HYCC1: variants seen among roughly 807,000 people sequenced by gnomAD.
HYCC1 encodes hyccin PI4KA lipid kinase complex subunit 1.
chr7:22,939,924 T>A, the HYCC1 span: 204 of 152,232 alleles, frequency 1.3e-3, no homozygotes, highest in African/African-American at 4.6e-3. Context: ...GCAAAGAAAA[T>A]AATAACTACA....
At chr7:22,932,296 A>G in the HYCC1 span, among the ~76,000 whole-genome samples, 1 of 152,102 alleles carries the variant, frequency 6.6e-6, no homozygotes, top group Non-Finnish European at 1.5e-5. Flanking sequence ...GATGGGGTAA[A>G]ATGAAAGAAG....
chr7:22,909,181 G>T, the HYCC1 span, among the ~76,000 whole-genome samples: 1 of 152,176 alleles, frequency 6.6e-6, no homozygotes, highest in Non-Finnish European at 1.5e-5. Context: ...GAAAGTGATT[G>T]GATCACAGGG....
At chr7:22,996,597 TAAAAAAAAAAAAA>T in the HYCC1 span, among the ~76,000 whole-genome samples, 1 of 106,554 alleles carries the variant, frequency 9.4e-6, no homozygotes, top group Non-Finnish European at 1.8e-5. Context: ...GTACAATTGT[TAAAAAAAAAAAAA>T]AAAAAAAAAA....
the HYCC1 span, among the ~76,000 whole-genome samples, chr7:22,977,974 T>G: frequency 2.6e-5 from 4 of 152,202 alleles, no homozygotes; most frequent in African/African-American, 9.6e-5. Context: ...TTATAGACAA[T>G]GGACTTTAAG....
At chr7:22,976,223 G>A in the HYCC1 span, 2 of 1,609,184 alleles carry the variant, frequency 1.2e-6, no homozygotes, top group Non-Finnish European at 1.7e-6. Flanking sequence ...GAACAAATTT[G>A]ACACAGTGAC....
At chr7:22,964,536 A>G in the HYCC1 span, 1 of 1,499,258 alleles carries the variant, frequency 6.7e-7, no homozygotes. Flanking sequence ...CAGATTCTAG[A>G]AAAACCAAAA....
the HYCC1 span, among the ~76,000 whole-genome samples, chr7:22,922,198 T>C: frequency 1.3e-5 from 2 of 151,264 alleles, no homozygotes; most frequent in South Asian, 2.1e-4. Flanking sequence ...TAATATTTAT[T>C]ACTAATAAAC....
At chr7:22,903,432 TG>T in the HYCC1 span, among the ~76,000 whole-genome samples, 1 of 152,176 alleles carries the variant, frequency 6.6e-6, no homozygotes, top group South Asian at 2.1e-4. Context: ...GAGAATATTA[TG>T]AAAAACCTTA....
chr7:23,009,742 C>A, the HYCC1 span, among the ~76,000 whole-genome samples: 1 of 152,126 alleles, frequency 6.6e-6, no homozygotes, highest in Non-Finnish European at 1.5e-5. Flanking sequence ...AGTCACAACT[C>A]TTCTCTGTCT....
chr7:22,996,307 A>G, the HYCC1 span, among the ~76,000 whole-genome samples: 2 of 151,854 alleles, frequency 1.3e-5, no homozygotes, highest in African/African-American at 4.8e-5. Context: ...AAAAAAAAAA[A>G]AGAAGCAAAA....
At chr7:22,955,049 A>G in the HYCC1 span, among the ~76,000 whole-genome samples, 1 of 151,590 alleles carries the variant, frequency 6.6e-6, no homozygotes, top group Non-Finnish European at 1.5e-5. Flanking sequence ...TAATAGTGAT[A>G]TACACGTTAG....
chr7:23,002,162 A>ATACACAAT, the HYCC1 span, among the ~76,000 whole-genome samples: 587 of 35,482 alleles, frequency 0.017, 15 homozygotes, highest in African/African-American at 0.071. Context: ...ATATATATAT[A>ATACACAAT]TATATATATA....
chr7:22,923,699 T>C, the HYCC1 span, among the ~76,000 whole-genome samples: 3 of 151,876 alleles, frequency 2.0e-5, no homozygotes, highest in Middle Eastern at 3.2e-3. Flanking sequence ...AAATTAGAAG[T>C]AAAATAGGGG....
At chr7:22,961,337 G>A in the HYCC1 span, 3 of 1,317,356 alleles carry the variant, frequency 2.3e-6, no homozygotes, top group Admixed American at 3.4e-5. Context: ...AAAATTAGAT[G>A]AATTAAATGA....
chr7:22,951,531 T>C, the HYCC1 span, among the ~76,000 whole-genome samples: 1 of 151,772 alleles, frequency 6.6e-6, no homozygotes. Flanking sequence ...GTCATACACA[T>C]TCTTTTACAA....
the HYCC1 span, among the ~76,000 whole-genome samples, chr7:22,926,877 T>C: frequency 6.6e-6 from 1 of 151,522 alleles, no homozygotes; most frequent in African/African-American, 2.4e-5. Context: ...CAACAGAATA[T>C]ACATTCTTTT....
the HYCC1 span, chr7:22,960,171 A>C: frequency 2.2e-6 from 3 of 1,351,490 alleles, no homozygotes; most frequent in Non-Finnish European, 3.2e-6. Flanking sequence ...TATTTACTGA[A>C]GTTAGAAGTT....
chr7:22,930,693 G>C, the HYCC1 span, among the ~76,000 whole-genome samples: 4 of 152,090 alleles, frequency 2.6e-5, no homozygotes, highest in African/African-American at 9.6e-5. Context: ...TTCCCCATGA[G>C]TAGAGATGTA....
chr7:22,981,190 T>G, the HYCC1 span, among the ~76,000 whole-genome samples: 1 of 152,216 alleles, frequency 6.6e-6, no homozygotes, highest in Non-Finnish European at 1.5e-5. Context: ...CAAGTTTTAA[T>G]CTACAAGATC....
Sources: gnomAD v4.1 joint callset for allele counts (sites outside exome capture counted in the v4.1 genomes callset) on GRCh38, gnomAD v4.1.1 for gene constraint, MANE v1.5 for transcripts, NCBI Gene and HGNC (gene_info 2026-07-23, HGNC 2026-07-21) for gene names.